The following TMCO4 variants were observed in gnomAD, a reference collection of about 807,000 sequenced individuals.
TMCO4 encodes the protein transmembrane and coiled-coil domains 4.
TMCO4 carries 58 observed loss-of-function variants against 64.7 expected under a neutral mutation model. The ratio of observed to expected loss-of-function variants is 0.90; its 90% CI spans 0.73 to 1.12. The LOEUF (loss-of-function observed/expected upper bound fraction) is 1.12. Ranked by LOEUF, TMCO4 falls within the 50% of genes most tolerant of loss-of-function variation. The probability of loss-of-function intolerance (pLI) is 0.00; values close to 1 mark genes in which losing one functional copy is unlikely to be tolerated. For synonymous variants in TMCO4, 325 were observed against 346.1 expected (o/e 0.94, Z 0.68); for missense variants, 780 against 825.9 (o/e 0.94, Z 0.68).
Position 19,708,229 on chromosome 1 carries a change from A to G in TMCO4, c.1265-7344T>C, listed in dbSNP as rs138320138. On this transcript the variant is annotated intron_variant, in intron 13 of 15. Transcript: ENST00000294543. ...ACAGCATCCTCAGAAGAGGAAACAG[A>G]AAGTTCAAAGGTCAAAGACCCCCAG... 5.4e-3 allele frequency among the ~76,000 whole-genome samples: 818 copies of G among 151,426 alleles called. 7 individuals are homozygous for G. The highest frequency in any genetic ancestry group is 0.019 in the African/African-American group (776 of 41,156).
chr1:19,785,864 G>C (rs1477190638), intron 3 of TMCO4, among the ~76,000 whole-genome samples: 1 of 152,196 alleles, frequency 6.6e-6, no homozygotes, highest in Non-Finnish European at 1.5e-5. Context: ...TACTGTATGT[G>C]GATGAAAGGT....
At chr1:19,723,482 C>T (rs1411278329) in intron 13 of TMCO4, among the ~76,000 whole-genome samples, 7 of 152,166 alleles carry the variant, frequency 4.6e-5, no homozygotes, top group Admixed American at 2.0e-4. Context: ...TGGGTCCTAG[C>T]TTAGGTGGCG....
At chr1:19,761,508 C>T (rs2042503230) in intron 6 of TMCO4, among the ~76,000 whole-genome samples, 1 of 152,218 alleles carries the variant, frequency 6.6e-6, no homozygotes, top group South Asian at 2.1e-4. Context: ...TGAGGGTCAG[C>T]CTCAGGGTAC....
intron 14 of TMCO4, among the ~76,000 whole-genome samples, chr1:19,696,142 T>C (rs1247592733): frequency 6.6e-6 from 1 of 152,126 alleles, no homozygotes; most frequent in Non-Finnish European, 1.5e-5. Flanking sequence ...AGACCATAGC[T>C]CTCCATTACC....
intron 1 of TMCO4, among the ~76,000 whole-genome samples, 155 bp downstream of exon 1, chr1:19,799,700 T>C (rs1434898848): frequency 2.6e-5 from 4 of 152,070 alleles, no homozygotes; most frequent in Non-Finnish European, 5.9e-5. Flanking sequence ...GGCCGCTTCC[T>C]GGTGGGTCCA....
At chr1:19,692,515 A>C (rs2095203314) in intron 15 of TMCO4, among the ~76,000 whole-genome samples, 1 of 148,658 alleles carries the variant, frequency 6.7e-6, no homozygotes. Context: ...GGATCACCTG[A>C]GGTCAGGAGT....
intron 7 of TMCO4, chr1:19,750,003 A>G (rs941219919): frequency 3.9e-5 from 6 of 152,242 alleles, no homozygotes; most frequent in African/African-American, 1.4e-4. Context: ...AATGGGGATA[A>G]AAACAGTACT....
At chr1:19,685,670 T>C (rs2095141403) in intron 15 of TMCO4, among the ~76,000 whole-genome samples, 1 of 151,486 alleles carries the variant, frequency 6.6e-6, no homozygotes, top group Non-Finnish European at 1.5e-5. Flanking sequence ...GTCACACAGC[T>C]AGAACTTGGC....
At chr1:19,685,875 G>A (rs759576108) in intron 15 of TMCO4, among the ~76,000 whole-genome samples, 6 of 152,024 alleles carry the variant, frequency 3.9e-5, no homozygotes, top group African/African-American at 1.5e-4. Flanking sequence ...CACGGTGCCC[G>A]CTACCATGCC....
At chr1:19,722,540 G>A (rs1046725974) in intron 13 of TMCO4, among the ~76,000 whole-genome samples, 1 of 152,176 alleles carries the variant, frequency 6.6e-6, no homozygotes, top group Non-Finnish European at 1.5e-5. Flanking sequence ...GGGTCATACC[G>A]TTCCCATGAT....
chr1:19,793,373 C>T (rs929273349), intron 2 of TMCO4, among the ~76,000 whole-genome samples: 1 of 152,136 alleles, frequency 6.6e-6, no homozygotes, highest in African/African-American at 2.4e-5. Flanking sequence ...AGCTATAGCA[C>T]CATCCTTAGG....
At chr1:19,786,076 C>T (rs2043727028) in intron 3 of TMCO4, among the ~76,000 whole-genome samples, 1 of 151,998 alleles carries the variant, frequency 6.6e-6, no homozygotes, top group Non-Finnish European at 1.5e-5. Context: ...CCTGTCTTTA[C>T]AAAAATAATA....
intron 3 of TMCO4, among the ~76,000 whole-genome samples, chr1:19,786,816 C>T (rs2043767839): frequency 6.6e-6 from 1 of 152,124 alleles, no homozygotes; most frequent in Admixed American, 6.5e-5. Flanking sequence ...AAAAGTAAAA[C>T]ATAAATGAAT....
At chr1:19,709,850 G>A (rs933684928) in intron 13 of TMCO4, among the ~76,000 whole-genome samples, 4 of 148,172 alleles carry the variant, frequency 2.7e-5, no homozygotes, top group Non-Finnish European at 4.4e-5. Flanking sequence ...GTGCAATGGC[G>A]TGGTCTCAGT....
intron 14 of TMCO4, among the ~76,000 whole-genome samples, chr1:19,699,532 C>T (rs980937943): frequency 5.4e-5 from 8 of 149,262 alleles, no homozygotes; most frequent in South Asian, 4.2e-4. Context: ...GAGTCTTGCT[C>T]GCTGCCACTC....
Position 19,770,572 on chromosome 1 carries a change from G to A in TMCO4, c.355-3C>T. On this transcript the variant is annotated splice_polypyrimidine_tract_variant and splice_region_variant and intron_variant, in intron 5 of 15. Transcript: ENST00000294543. ...TTGAGTGAGAAGCTCAGAAGGTCCTGAGGGAGAAGACAACAGGCATCAATG... is the reference window on the plus strand; with the variant it reads ...TTGAGTGAGAAGCTCAGAAGGTCCTAAGGGAGAAGACAACAGGCATCAATG... The A allele has an allele frequency of 6.2e-7, 1 of 1,612,900 alleles. No homozygotes were observed.
intron 6 of TMCO4, among the ~76,000 whole-genome samples, chr1:19,769,708 T>C (rs1216406258): frequency 6.6e-6 from 1 of 151,898 alleles, no homozygotes; most frequent in African/African-American, 2.4e-5. Context: ...AGAGAGGAGC[T>C]GGTGGGAAGA....
chr1:19,697,776 T>A (rs1029623598), intron 14 of TMCO4, among the ~76,000 whole-genome samples: 3 of 146,046 alleles, frequency 2.1e-5, no homozygotes, highest in African/African-American at 5.1e-5. Flanking sequence ...TTTTTGTATT[T>A]TTTTTTTTTT....
At chr1:19,783,201 A>G (rs2043574351) in intron 3 of TMCO4, among the ~76,000 whole-genome samples, 1 of 152,216 alleles carries the variant, frequency 6.6e-6, no homozygotes, top group Non-Finnish European at 1.5e-5. Flanking sequence ...GTCTCAGCAG[A>G]CTCTAGAGGC....
Sources: gnomAD v4.1 joint callset for allele counts (sites outside exome capture counted in the v4.1 genomes callset) on GRCh38, gnomAD v4.1.1 for gene constraint, MANE v1.5 for transcripts, NCBI Gene and HGNC (gene_info 2026-07-23, HGNC 2026-07-21) for gene names.